Variants in FLI1 observed in about 807,000 individuals in gnomAD.
The protein encoded by FLI1 is Friend leukemia integration 1 transcription factor.
Under a neutral mutation model 53.1 loss-of-function variants are expected in FLI1, and 13 were observed. That is an observed-to-expected ratio of 0.24 (90% CI 0.16 to 0.39). The LOEUF is 0.39. Ranked by LOEUF, FLI1 falls within the 10% of genes least tolerant of loss-of-function variation. The pLI is 1.00. For synonymous variants in FLI1, 244 were observed against 236.7 expected (o/e 1.03, Z -0.28); for missense variants, 424 against 600.5 (o/e 0.71, Z 3.07).
chr11:128,799,047 TTATTA>T lies in FLI1; in HGVS notation c.656-6317_656-6313del, dbSNP rs879638356. 3.9e-3 allele frequency among the ~76,000 whole-genome samples: 544 copies of T among 139,136 alleles called. 12 individuals carry two copies. The highest frequency in any genetic ancestry group is 0.034 in the Middle Eastern group (9 of 262). 91.3% of individuals were successfully genotyped at this position (139,136 alleles called of 152,430 possible). On this transcript the variant is annotated intron_variant, in intron 5 of 8. Transcript: ENST00000527786. ...ATTATTATTATTATTATTATTATTA[TTATTA>T]TTTTGCTTTGGAGACAGGATCTCAC... is the stretch of plus-strand genomic sequence containing the variant.
At chr11:128,705,566 A>T (rs1260250498) in intron 1 of FLI1, among the ~76,000 whole-genome samples, 3 of 152,216 alleles carry the variant, frequency 2.0e-5, no homozygotes, top group Admixed American at 6.5e-5. Context: ...GAGGTTATAT[A>T]AAACACAAAG....
At chr11:128,765,477 G>A (rs370826875) in intron 2 of FLI1, among the ~76,000 whole-genome samples, 122 of 152,270 alleles carry the variant, frequency 8.0e-4, no homozygotes, top group African/African-American at 2.7e-3. Flanking sequence ...TATCCCCACC[G>A]TCCACAAACG....
intron 1 of FLI1, among the ~76,000 whole-genome samples, chr11:128,735,475 A>G (rs1325841474): frequency 1.3e-5 from 2 of 152,266 alleles, no homozygotes; most frequent in Admixed American, 6.5e-5. Flanking sequence ...AGAAAATAGC[A>G]TACTTCCTAA....
intron 5 of FLI1, among the ~76,000 whole-genome samples, chr11:128,788,724 C>T (rs1942175683): frequency 6.6e-6 from 1 of 152,136 alleles, no homozygotes; most frequent in African/African-American, 2.4e-5. Context: ...CAAATATATA[C>T]AATTATTCCT....
intron 1 of FLI1, among the ~76,000 whole-genome samples, chr11:128,704,325 C>A (rs948084671): frequency 2.6e-5 from 4 of 152,106 alleles, no homozygotes; most frequent in Admixed American, 1.3e-4. Flanking sequence ...GGGCTCTCAG[C>A]AGGTGCTTGG....
chr11:128,708,839 T>C (rs941559660), intron 1 of FLI1, among the ~76,000 whole-genome samples: 1 of 152,234 alleles, frequency 6.6e-6, no homozygotes, highest in African/African-American at 2.4e-5. Flanking sequence ...CCCGTCTTTT[T>C]ATTTGTCAGG....
intron 1 of FLI1, among the ~76,000 whole-genome samples, chr11:128,743,948 A>G (rs1017576224): frequency 1.3e-5 from 2 of 152,186 alleles, no homozygotes; most frequent in African/African-American, 2.4e-5. Flanking sequence ...GTCAAGCAGG[A>G]TGTAGGCCAG....
At chr11:128,737,160 A>G (rs146328263) in intron 1 of FLI1, among the ~76,000 whole-genome samples, 161 of 152,284 alleles carry the variant, frequency 1.1e-3, no homozygotes, top group African/African-American at 3.8e-3. Context: ...AGCTAGCTAC[A>G]TGGAAGGGAT....
chr11:128,751,671 C>T (rs1298932866), intron 1 of FLI1, among the ~76,000 whole-genome samples: 1 of 151,976 alleles, frequency 6.6e-6, no homozygotes, highest in African/African-American at 2.4e-5. Flanking sequence ...GGACTACAGG[C>T]ACCCGCCACC....
intron 5 of FLI1, among the ~76,000 whole-genome samples, chr11:128,795,280 C>T (rs947770693): frequency 6.6e-6 from 1 of 152,230 alleles, no homozygotes; most frequent in Admixed American, 6.5e-5. Context: ...ATAGTCTCCT[C>T]TCGGAGCCTC....
chr11:128,702,364 T>G (rs1318656552), intron 1 of FLI1, among the ~76,000 whole-genome samples: 5 of 152,250 alleles, frequency 3.3e-5, no homozygotes, highest in Non-Finnish European at 5.9e-5. Context: ...CAATACTCAT[T>G]GGAGAAATCT....
At chr11:128,739,548 A>G (rs1333538924) in intron 1 of FLI1, among the ~76,000 whole-genome samples, 2 of 151,988 alleles carry the variant, frequency 1.3e-5, no homozygotes, top group African/African-American at 4.8e-5. Flanking sequence ...GGGTCTGCCC[A>G]CTACTCTCCA....
At chr11:128,742,015 CAT>C (rs1207357324) in intron 1 of FLI1, among the ~76,000 whole-genome samples, 1 of 152,174 alleles carries the variant, frequency 6.6e-6, no homozygotes, top group East Asian at 1.9e-4. Context: ...AAGCTTCAAA[CAT>C]AGCATCGTTC....
chr11:128,764,116 T>C (rs1941237771), intron 2 of FLI1, among the ~76,000 whole-genome samples: 2 of 152,198 alleles, frequency 1.3e-5, no homozygotes, highest in South Asian at 4.1e-4. Context: ...TCTGATGATA[T>C]ACCCAAGTTC....
At chr11:128,720,093 G>A (rs747926835) in intron 1 of FLI1, among the ~76,000 whole-genome samples, 20 of 152,218 alleles carry the variant, frequency 1.3e-4, no homozygotes, top group Non-Finnish European at 2.4e-4. Context: ...TCATATTTTG[G>A]TGCCCTTCCT....
intron 5 of FLI1, among the ~76,000 whole-genome samples, chr11:128,783,000 C>T (rs536088114): frequency 1.2e-4 from 19 of 152,060 alleles, no homozygotes; most frequent in African/African-American, 2.9e-4. Context: ...AAAATATTTG[C>T]GCGGCATAGC....
rs146814344 is a variant in FLI1 at position 128,746,385 on chromosome 11, C to T, written c.19-11730C>T. On this transcript the variant is annotated intron_variant, in intron 1 of 8. Coordinates refer to ENST00000527786, the MANE Select transcript of FLI1 (RefSeq NM_002017.5). ...CATGCCATCCACACTCTTTCCTCTC[C>T]TCAAGGCTTAGAAAAACTGCAGAAC... Among the ~76,000 whole-genome samples, 1,047 of 152,298 alleles carry T rather than the reference C, an allele frequency of 6.9e-3. 13 individuals carry two copies. The highest frequency in any genetic ancestry group is 0.024 in the African/African-American group (995 of 41,558).
intron 5 of FLI1, among the ~76,000 whole-genome samples, chr11:128,792,113 AT>A (rs1942292469): frequency 6.6e-6 from 1 of 152,184 alleles, no homozygotes; most frequent in Non-Finnish European, 1.5e-5. Context: ...TGGCACTATG[AT>A]TATTCCCATT....
intron 1 of FLI1, among the ~76,000 whole-genome samples, chr11:128,725,044 A>T (rs1939415259): frequency 6.6e-6 from 1 of 151,976 alleles, no homozygotes; most frequent in African/African-American, 2.4e-5. Flanking sequence ...CTAGGCTGAG[A>T]CTCTAGGTGT....
Sources: allele counts gnomAD v4.1 joint callset (sites outside exome capture counted in the v4.1 genomes callset), GRCh38; gene constraint gnomAD v4.1.1; transcripts MANE v1.5; gene names NCBI Gene and HGNC (gene_info 2026-07-23, HGNC 2026-07-21).